The following CNTNAP3B variants were observed in gnomAD, a reference collection of about 807,000 sequenced individuals.
CNTNAP3B encodes contactin associated protein family member 3B, also known as contactin-associated protein-like 3B.
Under a neutral mutation model 108.9 loss-of-function variants are expected in CNTNAP3B, and 25 were observed. That is an observed-to-expected ratio of 0.23 (90% CI 0.17 to 0.32). The LOEUF (loss-of-function observed/expected upper bound fraction) is 0.32, where lower values mean the gene tolerates loss of function less well. Among genes scored for constraint, CNTNAP3B ranks in the 10% least tolerant of loss-of-function variants. CNTNAP3B has a pLI of 1.00. For missense variants in CNTNAP3B, 252 were observed against 1,210.4 expected (o/e 0.21, Z 11.75); for synonymous variants, 103 against 473.4 (o/e 0.22, Z 10.16).
intron 13 of CNTNAP3B, among the ~76,000 whole-genome samples, chr9:41,944,585 T>C (rs1824466881): frequency 6.6e-6 from 1 of 152,132 alleles, no homozygotes; most frequent in Non-Finnish European, 1.5e-5. Context: ...TCATATAAAA[T>C]GCTCAATTAA....
intron 12 of CNTNAP3B, among the ~76,000 whole-genome samples, chr9:41,954,699 T>C (rs1447962348): frequency 2.6e-5 from 4 of 152,284 alleles, no homozygotes; most frequent in African/African-American, 9.6e-5. Context: ...TTATTTATTT[T>C]TGAGATAAGA....
chr9:42,033,630 C>CAAATATCA (rs1304014470), intron 3 of CNTNAP3B, among the ~76,000 whole-genome samples: 94 of 69,032 alleles, frequency 1.4e-3, no homozygotes, highest in African/African-American at 5.7e-3. Flanking sequence ...ATATTATTTT[C>CAAATATCA]AAATATCAAA....
intron 12 of CNTNAP3B, among the ~76,000 whole-genome samples, chr9:41,954,062 G>T (rs1824783425): frequency 6.6e-6 from 1 of 152,006 alleles, no homozygotes; most frequent in Non-Finnish European, 1.5e-5. Context: ...GGGAAGAAGT[G>T]CATCTTGAGT....
At chr9:42,063,486 ACT>A (rs1400353830) in intron 3 of CNTNAP3B, among the ~76,000 whole-genome samples, 1 of 129,304 alleles carries the variant, frequency 7.7e-6, no homozygotes, top group Non-Finnish European at 1.6e-5. Context: ...GCTGCAGAAT[ACT>A]CTTTTTGTCC....
intron 1 of CNTNAP3B, among the ~76,000 whole-genome samples, chr9:42,119,658 A>C (rs1261284313): frequency 1.4e-5 from 2 of 139,088 alleles, no homozygotes; most frequent in Non-Finnish European, 3.1e-5. Flanking sequence ...CAGAGCCCTC[A>C]GAAATAATGC....
chr9:41,929,946 A>C (rs1308911086), intron 14 of CNTNAP3B, among the ~76,000 whole-genome samples: 1 of 152,132 alleles, frequency 6.6e-6, no homozygotes, highest in Non-Finnish European at 1.5e-5. Context: ...ATGATTACAG[A>C]GAAGGGGAAA....
At chr9:42,035,748 C>T (rs1399944664) in intron 3 of CNTNAP3B, among the ~76,000 whole-genome samples, 2 of 150,904 alleles carry the variant, frequency 1.3e-5, no homozygotes, top group African/African-American at 4.9e-5. Flanking sequence ...GCTTTGAACT[C>T]CTGGGCTTAA....
intron 23 of CNTNAP3B, among the ~76,000 whole-genome samples, chr9:41,894,331 T>C (rs899017580): frequency 9.2e-6 from 1 of 108,240 alleles, no homozygotes; most frequent in African/African-American, 4.7e-5. Context: ...TGTTGCTATG[T>C]TGCCCAGGCT....
intron 14 of CNTNAP3B, among the ~76,000 whole-genome samples, chr9:41,935,034 T>C (rs1468071013): frequency 7.2e-5 from 11 of 152,088 alleles, no homozygotes; most frequent in Admixed American, 6.5e-4. Context: ...TTATATGTTA[T>C]ATGTATATTT....
chr9:41,921,397 T>C (rs1233431618), intron 17 of CNTNAP3B, among the ~76,000 whole-genome samples: 2 of 151,890 alleles, frequency 1.3e-5, no homozygotes, highest in Admixed American at 6.6e-5. Flanking sequence ...TAGGAAGTCA[T>C]GGTATAACAC....
At chr9:41,923,636 C>CCTAT (rs1467534429) in intron 16 of CNTNAP3B, among the ~76,000 whole-genome samples, 1 of 152,290 alleles carries the variant, frequency 6.6e-6, no homozygotes, top group Non-Finnish European at 1.5e-5. Context: ...GTGGTGCGTG[C>CCTAT]CTATAGTCCC....
chr9:41,934,510 G>C (rs1449689491), intron 14 of CNTNAP3B, among the ~76,000 whole-genome samples: 2 of 152,336 alleles, frequency 1.3e-5, no homozygotes, highest in East Asian at 1.9e-4. Flanking sequence ...CGTGAGCCAC[G>C]GCGCCCTGCC....
intron 15 of CNTNAP3B, among the ~76,000 whole-genome samples, chr9:41,924,726 A>T (rs1326654197): frequency 2.6e-5 from 4 of 152,038 alleles, no homozygotes; most frequent in African/African-American, 4.8e-5. Flanking sequence ...ACAATCAAGA[A>T]CAAGAAGAAG....
chr9:42,075,427 T>C (rs1827467278), intron 3 of CNTNAP3B, among the ~76,000 whole-genome samples: 3 of 137,976 alleles, frequency 2.2e-5, no homozygotes, highest in Non-Finnish European at 4.6e-5. Context: ...AAATCACTTG[T>C]TCCAGTGAAG....
chr9:42,116,156 A>G lies in CNTNAP3B; in HGVS notation c.86-11417T>C, dbSNP rs1439527014. On this transcript the variant is annotated intron_variant, in intron 1 of 23. Transcript: ENST00000377561. The stretch of plus-strand genomic sequence containing the variant: ...TCAAATGAATGAAATGAAGCGAGAA[A>G]AGAAGTTTAGAGAAAAAAGAGTAAA... Among the ~76,000 whole-genome samples the G allele has an allele frequency of 1.5e-5, 2 of 137,394 alleles. 1 individual carries two copies. The highest frequency in any genetic ancestry group is 4.4e-4 in the East Asian group (2 of 4,594). 90.1% of individuals were successfully genotyped at this position (137,394 alleles called of 152,430 possible).
intron 1 of CNTNAP3B, among the ~76,000 whole-genome samples, chr9:42,107,946 G>C (rs1828114107): frequency 8.2e-6 from 1 of 121,494 alleles, no homozygotes; most frequent in South Asian, 2.7e-4. Flanking sequence ...GTACACTCTA[G>C]GCTGGGCGAC....
intron 8 of CNTNAP3B, among the ~76,000 whole-genome samples, chr9:41,986,958 G>A (rs1164662259): frequency 3.3e-5 from 4 of 121,392 alleles, no homozygotes; most frequent in East Asian, 2.5e-4. Flanking sequence ...TGTGCCTAGC[G>A]AGGTGCAGTT....
At chr9:41,925,516 C>G (rs1050418802) in intron 15 of CNTNAP3B, among the ~76,000 whole-genome samples, 1 of 152,282 alleles carries the variant, frequency 6.6e-6, no homozygotes, top group African/African-American at 2.4e-5. Context: ...TGACGTGAAC[C>G]CGGGAGGCGG....
chr9:42,124,264 T>C (rs1828521047), intron 1 of CNTNAP3B, among the ~76,000 whole-genome samples: 1 of 130,370 alleles, frequency 7.7e-6, no homozygotes, highest in Non-Finnish European at 1.6e-5. Flanking sequence ...CACTTTATGA[T>C]ATTTTTTAAT....
Sources: allele counts gnomAD v4.1 joint callset (sites outside exome capture counted in the v4.1 genomes callset), GRCh38; gene constraint gnomAD v4.1.1; transcripts MANE v1.5; gene names NCBI Gene and HGNC (gene_info 2026-07-23, HGNC 2026-07-21).